CDC37: variants seen among roughly 807,000 people sequenced by gnomAD.
CDC37 encodes the protein hsp90 co-chaperone Cdc37.
CDC37 carries 9 observed loss-of-function variants against 46.9 expected under a neutral mutation model. The ratio of observed to expected loss-of-function variants is 0.19; its 90% CI spans 0.12 to 0.33. The LOEUF is 0.33. CDC37 is among the 10% of genes least tolerant of loss of function. CDC37 has a pLI of 1.00. For synonymous variants in CDC37, 193 were observed against 191.0 expected (o/e 1.01, Z -0.09); for missense variants, 388 against 514.6 (o/e 0.75, Z 2.38).
chr19:10,395,724 G>T, intron 2 of CDC37, 181 bp from the exon 3 acceptor site: 1 of 747,702 alleles, frequency 1.3e-6, no homozygotes, highest in East Asian at 2.7e-5. Context: ...GAGGGGACCG[G>T]TGGGGTGTTT....
chr19:10,394,457 A>T (rs2042476578), intron 5 of CDC37, among the ~76,000 whole-genome samples: 1 of 152,218 alleles, frequency 6.6e-6, no homozygotes, highest in African/African-American at 2.4e-5. Context: ...CTCCTGCCTC[A>T]GCCTCCCAAA....
At chr19:10,397,415 C>CTT (rs933052804) in intron 1 of CDC37, among the ~76,000 whole-genome samples, 1,165 of 86,632 alleles carry the variant, frequency 0.013, 5 homozygotes, top group Non-Finnish European at 0.015. Flanking sequence ...CCAAGCCTGG[C>CTT]TTTTTTTTTT....
chr19:10,402,157 C>CAAA (rs753021871), intron 1 of CDC37, among the ~76,000 whole-genome samples: 908 of 63,796 alleles, frequency 0.014, 28 homozygotes, highest in African/African-American at 0.054. Context: ...AACTTCGTCT[C>CAAA]AAAAAAAAAA....
chr19:10,397,942 C>T (rs748960517), intron 1 of CDC37, among the ~76,000 whole-genome samples: 26 of 152,176 alleles, frequency 1.7e-4, no homozygotes, highest in Non-Finnish European at 3.2e-4. Context: ...CTCAGACCTC[C>T]ATCTGGGCCC....
chr19:10,391,612 G>A lies in CDC37; in HGVS notation c.1076C>T (p.Pro359Leu), dbSNP rs756445709. The change falls in exon 8 of 8, where the codon CCT becomes CTT. Residue 359 changes from proline to leucine, a missense_variant. Pro to Leu is a moderately conservative substitution (Grantham distance 98, BLOSUM62 -3). This residue lies in a region of CDC37 where 374 missense variants were observed against 467.4 expected (regional missense o/e 0.80). Transcript: ENST00000222005. ...SEAKEGEEAG[P>L]GDPLLEAVPK... Reference sequence around the variant, plus strand: ...AACAGCTTCCAGTAATGGGTCCCCAGGACCTGCCTCCTCTCCCTCCTTGGC... The same window carrying A: ...AACAGCTTCCAGTAATGGGTCCCCAAGACCTGCCTCCTCTCCCTCCTTGGC... 21 of 1,614,204 alleles carry A rather than the reference G, an allele frequency of 1.3e-5. No individual in the cohort carries two copies. The Admixed American group carries it at 3.5e-4, about 27-fold the overall frequency.
chr19:10,391,427 C>T lies in CDC37; in HGVS notation c.*124G>A, dbSNP rs2042455846. On this transcript the variant is annotated 3_prime_UTR_variant, in exon 8 of 8. Transcript: ENST00000222005. ...AGAGGCCAGGGAGGGCTGGGCGGGCCCCCCAGGCTGGGCCGAGCAGCGCAA... is the reference window on the plus strand; with the variant it reads ...AGAGGCCAGGGAGGGCTGGGCGGGCTCCCCAGGCTGGGCCGAGCAGCGCAA... The T allele has an allele frequency of 8.2e-7, 1 of 1,223,048 alleles. No individual in the cohort carries two copies. The highest frequency in any genetic ancestry group is 1.2e-6 in the Non-Finnish European group (1 of 836,512). 75.8% of individuals were successfully genotyped at this position (1,223,048 alleles called of 1,614,324 possible). A position where few individuals can be genotyped will look rare whatever the true frequency, so the allele number is the denominator to read the frequency against.
At chr19:10,401,051 G>C (rs552477533) in intron 1 of CDC37, among the ~76,000 whole-genome samples, 1 of 152,362 alleles carries the variant, frequency 6.6e-6, no homozygotes, top group South Asian at 2.1e-4. Flanking sequence ...AGACAGAGCT[G>C]AGATTTGAAC....
chr19:10,400,702 A>G (rs1377149819), intron 1 of CDC37: 1 of 151,998 alleles, frequency 6.6e-6, no homozygotes. Flanking sequence ...GTCTCGAAAA[A>G]AAAAAGAGAG....
chr19:10,391,428 C>T lies in CDC37; in HGVS notation c.*123G>A, dbSNP rs921619779. On this transcript the variant is annotated 3_prime_UTR_variant, in exon 8 of 8. Transcript: ENST00000222005. Reference sequence around the variant, plus strand: ...GAGGCCAGGGAGGGCTGGGCGGGCCCCCCAGGCTGGGCCGAGCAGCGCAAG... The same window carrying T: ...GAGGCCAGGGAGGGCTGGGCGGGCCTCCCAGGCTGGGCCGAGCAGCGCAAG... 8.0e-7 allele frequency: 1 copy of T among 1,248,296 alleles called. No homozygotes were observed. 77.3% of individuals were successfully genotyped at this position (1,248,296 alleles called of 1,614,324 possible).
Position 10,393,055 on chromosome 19 carries a change from C to A in CDC37, c.981+31G>T. The A allele has an allele frequency of 3.7e-6, 6 of 1,601,520 alleles. No individual in the cohort carries two copies. Among genetic ancestry groups the A allele is most frequent in the Non-Finnish European group, 5.1e-6 (6 of 1,168,746 alleles). On this transcript the variant is annotated intron_variant, in intron 7 of 7. Coordinates refer to ENST00000222005, the MANE Select transcript of CDC37 (RefSeq NM_007065.4). The surrounding 1 kb of genome is among the most constrained non-coding windows in gnomAD (Gnocchi z 4.9). The stretch of plus-strand genomic sequence containing the variant: ...GGGCTGGGGGAGACACACGGCCCGC[C>A]GGGAAGGCATGGGGCGCGGGGGTTA...
intron 1 of CDC37, among the ~76,000 whole-genome samples, chr19:10,397,220 A>C (rs759699240): frequency 3.3e-5 from 5 of 151,722 alleles, no homozygotes; most frequent in African/African-American, 9.7e-5. Flanking sequence ...CCTGGTGCAA[A>C]GCACGGGCTC....
intron 1 of CDC37, 138 bp downstream of exon 1, chr19:10,403,240 G>A (rs2042529583): frequency 7.5e-6 from 5 of 663,906 alleles, no homozygotes; most frequent in African/African-American, 1.8e-5. Context: ...TCCCGGAGTT[G>A]AATCGAAGCT....
At position 10,393,785 on chromosome 19, in the gene CDC37, C is replaced by A; in HGVS notation, c.727-344G>T. On this transcript the variant is annotated intron_variant, in intron 5 of 7. Transcript: ENST00000222005. The surrounding 1 kb of genome is among the most constrained non-coding windows in gnomAD (Gnocchi z 4.9). ...AAGGATAGCCCTGTTCCTCCAGGTA[C>A]GCAGGTTAAAAATCCTAGAGGCTAG... 4.2e-6 allele frequency: 1 copy of A among 239,784 alleles called. No individual in the cohort carries two copies. Among genetic ancestry groups the A allele is most frequent in the East Asian group, 8.3e-5 (1 of 11,978 alleles). The allele number at this position is 239,784 out of a possible 1,614,324, so 14.9% of individuals were successfully genotyped here.
In CDC37 at chr19:10,395,350, G is replaced by A. The variant is rs776939474; in HGVS notation, c.488-7C>T. ...TCCCAGCGGCGAAGCATGCCTGTGGGAAGATGCTGGCAAGGTGCTGGAGGG... is the reference window on the plus strand; with the variant it reads ...TCCCAGCGGCGAAGCATGCCTGTGGAAAGATGCTGGCAAGGTGCTGGAGGG... On this transcript the variant is annotated splice_region_variant and splice_polypyrimidine_tract_variant and intron_variant, in intron 3 of 7. Transcript: ENST00000222005. The A allele has an allele frequency of 3.7e-6, 6 of 1,613,406 alleles. No homozygotes were observed. In the Admixed American group the frequency reaches 1.0e-4, roughly 27 times the overall value.
In CDC37 at chr19:10,395,802, C is replaced by A. The variant is rs1788456557; in HGVS notation, c.378+126G>T. ...CCCCGTCCATCCCTCAGCTCCCCGC[C>A]CCCCACCACACTCTTCAACTACACC... On this transcript the variant is annotated intron_variant, in intron 2 of 7. Coordinates refer to ENST00000222005, the MANE Select transcript of CDC37 (RefSeq NM_007065.4). 6 of 894,890 alleles carry A rather than the reference C, an allele frequency of 6.7e-6. No homozygotes were observed. In the Admixed American group the frequency reaches 1.3e-4, roughly 20 times the overall value. The allele number at this position is 894,890 out of a possible 1,614,324, so 55.4% of individuals were successfully genotyped here.
Position 10,396,666 on chromosome 19 carries a change from G to A in CDC37, c.103-463C>T, listed in dbSNP as rs769325399. Among the ~76,000 whole-genome samples the A allele has an allele frequency of 2.6e-5, 4 of 152,094 alleles. No individual in the cohort carries two copies. The highest frequency in any genetic ancestry group is 4.4e-5 in the Non-Finnish European group (3 of 68,010). On this transcript the variant is annotated intron_variant, in intron 1 of 7. Transcript: ENST00000222005. This position sits in a 1 kb window ranked among gnomAD's most constrained non-coding sequence, Gnocchi z 5.9. ...CATACTGCAGCCTCGACCTCCCTGG[G>A]CTCAGGCGATCCTCCCACCTCAGTC...
At chr19:10,392,588 C>T (rs1328321791) in intron 7 of CDC37, among the ~76,000 whole-genome samples, 2 of 152,020 alleles carry the variant, frequency 1.3e-5, no homozygotes, top group Non-Finnish European at 2.9e-5. Flanking sequence ...AAAAAATTAG[C>T]TAGATGTCAT....
chr19:10,401,447 G>A (rs2042518336), intron 1 of CDC37, among the ~76,000 whole-genome samples: 1 of 152,182 alleles, frequency 6.6e-6, no homozygotes, highest in Non-Finnish European at 1.5e-5. Flanking sequence ...TGCAGGAGGG[G>A]GGCCCTCCCA....
intron 2 of CDC37, 135 bp from the exon 3 acceptor site, chr19:10,395,678 C>T (rs773104701): frequency 4.7e-5 from 40 of 853,614 alleles, no homozygotes; most frequent in Non-Finnish European, 7.6e-5. Flanking sequence ...ATCAAGGTGG[C>T]GGGAGCGTGG....
Sources: allele counts gnomAD v4.1 joint callset (sites outside exome capture counted in the v4.1 genomes callset), GRCh38; gene constraint gnomAD v4.1.1; regional missense constraint gnomAD v4.1.1; non-coding constraint Gnocchi (gnomAD v3.1); transcripts MANE v1.5; gene names NCBI Gene and HGNC (gene_info 2026-07-23, HGNC 2026-07-21).